The following COL4A4 variants were observed in gnomAD, a reference collection of about 807,000 sequenced individuals.
COL4A4 encodes the protein collagen alpha-4(IV) chain.
Under a neutral mutation model 192.9 loss-of-function variants are expected in COL4A4, and 105 were observed. The ratio of observed to expected loss-of-function variants is 0.54; its 90% CI spans 0.46 to 0.64. The LOEUF is 0.64. COL4A4 is among the 30% of genes least tolerant of loss of function. COL4A4 has a pLI of 0.00. For synonymous variants in COL4A4, 762 were observed against 769.9 expected, an observed-to-expected ratio of 0.99 and a Z score of 0.17; for missense variants, 1,967 against 2,169.3, an observed-to-expected ratio of 0.91 and a Z score of 1.85.
intron 7 of COL4A4, 146 bp downstream of exon 7, chr2:227,118,499 C>G: frequency 2.9e-6 from 2 of 683,494 alleles, no homozygotes; most frequent in Non-Finnish European, 2.6e-6. Context: ...GCCTATCTCT[C>G]TGTCCTTATC....
chr2:226,974,523 C>T, the COL4A4 span, among the ~76,000 whole-genome samples: 1 of 152,224 alleles, frequency 6.6e-6, no homozygotes, highest in South Asian at 2.1e-4. Flanking sequence ...AGGCGTGAGC[C>T]ACCGTGCCCG....
At chr2:227,085,691 GAACT>G (rs1317704861) in intron 22 of COL4A4, among the ~76,000 whole-genome samples, 3 of 152,166 alleles carry the variant, frequency 2.0e-5, no homozygotes, top group African/African-American at 7.2e-5. Context: ...GATCTCCTGT[GAACT>G]AACTGAGCAA....
At chr2:227,133,399 C>T (rs1382132279) in intron 4 of COL4A4, among the ~76,000 whole-genome samples, 1 of 152,204 alleles carries the variant, frequency 6.6e-6, no homozygotes, top group Non-Finnish European at 1.5e-5. Flanking sequence ...TCTCTCTTTT[C>T]TCATGCACGG....
At chr2:227,031,104 G>A (rs1278308356) in intron 40 of COL4A4, among the ~76,000 whole-genome samples, 1 of 147,136 alleles carries the variant, frequency 6.8e-6, no homozygotes, top group Non-Finnish European at 1.5e-5. Flanking sequence ...GGCATTTGAG[G>A]AAATATGTCT....
chr2:227,007,948 G>C, intron 47 of COL4A4, 70 bp downstream of exon 47: 1 of 1,570,656 alleles, frequency 6.4e-7, no homozygotes, highest in Non-Finnish European at 8.7e-7. Flanking sequence ...GTCCAATCCA[G>C]AGAGAAATGG....
At chr2:227,009,283 C>T (rs1024174148) in intron 46 of COL4A4, among the ~76,000 whole-genome samples, 4 of 152,186 alleles carry the variant, frequency 2.6e-5, no homozygotes, top group Admixed American at 6.5e-5. Context: ...CAACTGTCCC[C>T]GTCAGCATAT....
At position 227,004,880 on chromosome 2, in the gene COL4A4, T is replaced by G. The variant is rs577762302; in HGVS notation, c.*2445A>C. On this transcript the variant is annotated 3_prime_UTR_variant, in exon 48 of 48. Coordinates refer to ENST00000396625, the MANE Select transcript of COL4A4 (RefSeq NM_000092.5). Reference sequence around the variant, plus strand: ...TGGTGGGGAGGCAGGGAGAGAAGGGTTTGATAAGGATCATCTCCAATAATG... The same window carrying G: ...TGGTGGGGAGGCAGGGAGAGAAGGGGTTGATAAGGATCATCTCCAATAATG... 1 of 152,240 alleles carries G rather than the reference T, an allele frequency of 6.6e-6. No homozygotes were observed. Among genetic ancestry groups the G allele is most frequent in the Non-Finnish European group, 1.5e-5 (1 of 68,100 alleles). 9.4% of individuals were successfully genotyped at this position (152,240 alleles called of 1,614,324 possible).
At position 227,053,549 on chromosome 2, in the gene COL4A4, T is replaced by C. The variant is rs868802209; in HGVS notation, c.2860+1045A>G. On this transcript the variant is annotated intron_variant, in intron 31 of 47. Transcript: ENST00000396625. ...AAAACATTTTTTTCTTTTTCTTTTTTTTTTTTTTTTTTTTTGGAGACAGAA... is the reference window on the plus strand; with the variant it reads ...AAAACATTTTTTTCTTTTTCTTTTTCTTTTTTTTTTTTTTTGGAGACAGAA... Among the ~76,000 whole-genome samples the C allele has an allele frequency of 5.0e-3, 703 of 140,438 alleles. 4 individuals carry two copies. Among genetic ancestry groups the C allele is most frequent in the African/African-American group, 0.018 (676 of 36,720 alleles). The allele number at this position is 140,438 out of a possible 152,430, so 92.1% of individuals were successfully genotyped here.
intron 44 of COL4A4, among the ~76,000 whole-genome samples, chr2:227,014,892 CTTTTTTT>C (rs1179125792): frequency 3.8e-5 from 4 of 106,586 alleles, no homozygotes; most frequent in Non-Finnish European, 7.5e-5. Flanking sequence ...CCATGCCTGG[CTTTTTTT>C]TTTTTTTTTT....
chr2:227,040,507 A>G (rs1175615949), intron 37 of COL4A4, among the ~76,000 whole-genome samples: 1 of 152,212 alleles, frequency 6.6e-6, no homozygotes, highest in Non-Finnish European at 1.5e-5. Flanking sequence ...AACAAATGTG[A>G]TACAACGTAA....
chr2:227,045,925 A>ATATT (rs1191477534), intron 35 of COL4A4, among the ~76,000 whole-genome samples: 2,808 of 40,190 alleles, frequency 0.07, 570 homozygotes, highest in South Asian at 0.14. Context: ...GTATATGTAT[A>ATATT]TGTATATATG....
downstream of COL4A4, chr2:226,997,733 AC>A (rs1166170267): frequency 6.6e-6 from 1 of 152,240 alleles, no homozygotes; most frequent in African/African-American, 2.4e-5. Context: ...AAATTGTGAT[AC>A]GCATGGCTGT....
At chr2:227,080,876 G>C (rs931142647) in intron 23 of COL4A4, among the ~76,000 whole-genome samples, 2 of 152,208 alleles carry the variant, frequency 1.3e-5, no homozygotes, top group African/African-American at 4.8e-5. Flanking sequence ...AATGGTCTGC[G>C]GTTGGGTACT....
At chr2:227,145,500 A>G (rs2125361945) in intron 2 of COL4A4, among the ~76,000 whole-genome samples, 1 of 152,246 alleles carries the variant, frequency 6.6e-6, no homozygotes, top group Admixed American at 6.5e-5. Flanking sequence ...TCTAGACCTT[A>G]TATTTGTCAA....
chr2:227,050,197 G>A (rs888186488), intron 33 of COL4A4, 66 bp from the exon 34 acceptor site: 7 of 1,407,264 alleles, frequency 5.0e-6, no homozygotes, highest in East Asian at 2.3e-5. Flanking sequence ...TGCACAACAC[G>A]ATCCAGTTGT....
the COL4A4 span, among the ~76,000 whole-genome samples, chr2:226,969,348 T>C: frequency 6.8e-6 from 1 of 146,654 alleles, no homozygotes; most frequent in Non-Finnish European, 1.5e-5. Context: ...TGCCCAACTG[T>C]CACAAAGCAG....
intron 44 of COL4A4, among the ~76,000 whole-genome samples, chr2:227,018,582 A>C (rs532497114): frequency 1.3e-5 from 2 of 152,362 alleles, no homozygotes; most frequent in East Asian, 3.9e-4. Context: ...GTGGGTGCAC[A>C]GGACAAAAAG....
chr2:227,161,146 T>C (rs1313802335), intron 1 of COL4A4, among the ~76,000 whole-genome samples: 1 of 152,246 alleles, frequency 6.6e-6, no homozygotes, highest in Non-Finnish European at 1.5e-5. Context: ...TTCAACTTCA[T>C]TTGTGCTTTC....
intron 25 of COL4A4, among the ~76,000 whole-genome samples, chr2:227,066,043 G>C (rs2058317513): frequency 6.6e-6 from 1 of 152,226 alleles, no homozygotes; most frequent in South Asian, 2.1e-4. Context: ...AGCTGATGGA[G>C]CTGAAAACCA....
Sources: allele counts gnomAD v4.1 joint callset (sites outside exome capture counted in the v4.1 genomes callset), GRCh38; gene constraint gnomAD v4.1.1; transcripts MANE v1.5; gene names NCBI Gene and HGNC (gene_info 2026-07-23, HGNC 2026-07-21).